Variants in MCF2L2 observed in about 807,000 individuals in gnomAD.
MCF2L2 encodes the protein MCF.2 cell line derived transforming sequence-like 2, also known as probable guanine nucleotide exchange factor MCF2L2.
MCF2L2 carries 102 observed loss-of-function variants against 150.2 expected under a neutral mutation model. The observed-to-expected ratio is 0.68, with a 90% CI of 0.58 to 0.80. The LOEUF is 0.80. Ranked by LOEUF, MCF2L2 falls within the 30% of genes least tolerant of loss-of-function variation. The pLI is 0.00. For synonymous variants in MCF2L2, 465 were observed against 491.3 expected (o/e 0.95, Z 0.71); for missense variants, 1,256 against 1,372.8 (o/e 0.91, Z 1.34).
At chr3:183,363,709 G>C (rs1712350806) in intron 3 of MCF2L2, among the ~76,000 whole-genome samples, 1 of 152,064 alleles carries the variant, frequency 6.6e-6, no homozygotes, top group African/African-American at 2.4e-5. Flanking sequence ...CCACTTTTGA[G>C]ACCCTGTCTC....
At chr3:183,218,822 G>C (rs1418006829) in intron 21 of MCF2L2, among the ~76,000 whole-genome samples, 2 of 151,922 alleles carry the variant, frequency 1.3e-5, no homozygotes, top group South Asian at 2.1e-4. Context: ...GTAGGGTTCA[G>C]AAAAATCCTT....
At chr3:183,355,275 T>C (rs1488983487) in intron 3 of MCF2L2, among the ~76,000 whole-genome samples, 1 of 152,052 alleles carries the variant, frequency 6.6e-6, no homozygotes, top group Non-Finnish European at 1.5e-5. Context: ...ATCTTGTTGC[T>C]TGTGGATATG....
chr3:183,333,037 A>C (rs1730331265), intron 5 of MCF2L2, among the ~76,000 whole-genome samples: 1 of 152,010 alleles, frequency 6.6e-6, no homozygotes, highest in African/African-American at 2.4e-5. Context: ...ATATTCTTTC[A>C]GGGTAATTTT....
At chr3:183,226,128 T>C (rs1049087001) in intron 18 of MCF2L2, 8 of 152,192 alleles carry the variant, frequency 5.3e-5, no homozygotes, top group African/African-American at 1.7e-4. Flanking sequence ...TGGAGGAGAA[T>C]TGTTTCAGAA....
intron 1 of MCF2L2, among the ~76,000 whole-genome samples, chr3:183,395,594 T>C (rs1020855944): frequency 4.6e-5 from 7 of 152,104 alleles, no homozygotes; most frequent in African/African-American, 1.7e-4. Flanking sequence ...TTGACAAATA[T>C]ACACTGATGT....
intron 18 of MCF2L2, chr3:183,224,395 T>C: frequency 1.9e-6 from 1 of 527,012 alleles, no homozygotes; most frequent in South Asian, 2.6e-5. Context: ...CTACCAGACA[T>C]AGATAGGCAC....
chr3:183,339,632 A>T (rs12638234), intron 4 of MCF2L2, among the ~76,000 whole-genome samples: 46,643 of 152,126 alleles, frequency 0.31, 9,405 homozygotes, highest in African/African-American at 0.57. Context: ...AGTATCGCCC[A>T]CATCGCAAGG....
Position 183,224,135 on chromosome 3 carries a change from GC to G in MCF2L2, c.2170del (p.Ala724GlnfsTer37). 1 of 1,614,000 alleles carries G rather than the reference GC, an allele frequency of 6.2e-7. No individual in the cohort carries two copies. Among genetic ancestry groups the G allele is most frequent in the South Asian group, 1.1e-5 (1 of 91,078 alleles). On this transcript the variant is annotated frameshift_variant, in exon 19 of 30. Coordinates refer to ENST00000328913, the MANE Select transcript of MCF2L2 (RefSeq NM_015078.4). LOFTEE classifies it high-confidence loss of function. ...GCAGTCTTGACACTCTTGCCAGATTGCCCTAGCTCGGGGCAGATTCTTATGG... is the reference window on the plus strand; with the variant it reads ...GCAGTCTTGACACTCTTGCCAGATTGCCTAGCTCGGGGCAGATTCTTATGG... ...KYHKNLPRAR[A>X]IWQECQDCAY...
At chr3:183,233,316 C>A (rs1723644800) in intron 15 of MCF2L2, among the ~76,000 whole-genome samples, 1 of 151,446 alleles carries the variant, frequency 6.6e-6, no homozygotes, top group Non-Finnish European at 1.5e-5. Flanking sequence ...CACACCATTG[C>A]ACTCCAGCCT....
At chr3:183,209,608 C>T (rs906912219) in intron 22 of MCF2L2, among the ~76,000 whole-genome samples, 1 of 152,136 alleles carries the variant, frequency 6.6e-6, no homozygotes. Flanking sequence ...CCTGCCTCAT[C>T]CTCCCGAGTA....
Position 183,428,250 on chromosome 3 carries a change from GC to G in MCF2L2, c.-274del, listed in dbSNP as rs1716276029. The G allele has an allele frequency of 2.4e-6, 1 of 418,554 alleles. No individual in the cohort carries two copies. The highest frequency in any genetic ancestry group is 4.3e-6 in the Non-Finnish European group (1 of 234,130). 25.9% of individuals were successfully genotyped at this position (418,554 alleles called of 1,614,324 possible). On this transcript the variant is annotated 5_prime_UTR_variant, in exon 1 of 30. Transcript: ENST00000328913. This position sits in a 1 kb window ranked among gnomAD's most constrained non-coding sequence, Gnocchi z 5.1. ...GCCGTTCTGCAAAAGGAAGCAAGTC[GC>G]CAATCTCGCCGGAACCGCGCCCCGG... is the stretch of plus-strand genomic sequence containing the variant.
chr3:183,255,209 G>A (rs1576970192), intron 15 of MCF2L2, among the ~76,000 whole-genome samples: 1 of 152,186 alleles, frequency 6.6e-6, no homozygotes, highest in East Asian at 1.9e-4. Flanking sequence ...ACCCAGAAAA[G>A]GATGATTGAA....
At chr3:183,265,643 C>T (rs1475817602) in intron 15 of MCF2L2, 1 of 152,238 alleles carries the variant, frequency 6.6e-6, no homozygotes, top group African/African-American at 2.4e-5. Flanking sequence ...CTGGGAAAGG[C>T]CTCCTAGTGA....
intron 2 of MCF2L2, among the ~76,000 whole-genome samples, chr3:183,380,599 A>G (rs375634349): frequency 1.2e-4 from 18 of 152,112 alleles, no homozygotes; most frequent in African/African-American, 4.1e-4. Context: ...ACGGGGTTTC[A>G]TCACGTTGGC....
chr3:183,348,018 A>C (rs1337233796), intron 3 of MCF2L2, among the ~76,000 whole-genome samples: 1 of 152,188 alleles, frequency 6.6e-6, no homozygotes, highest in Non-Finnish European at 1.5e-5. Context: ...CTAGATCCAG[A>C]AATACCATTT....
chr3:183,296,341 C>T (rs147959744), intron 12 of MCF2L2: 198 of 152,926 alleles, frequency 1.3e-3, no homozygotes, highest in Middle Eastern at 3.4e-3. Flanking sequence ...TTGCCTGCCT[C>T]TCTCTAACCT....
At chr3:183,417,965 A>G (rs1030625811) in intron 1 of MCF2L2, among the ~76,000 whole-genome samples, 4 of 152,220 alleles carry the variant, frequency 2.6e-5, no homozygotes, top group African/African-American at 9.6e-5. Flanking sequence ...AGATGGGCAG[A>G]TCACCTGAGG....
chr3:183,365,916 T>C (rs1305288658), intron 3 of MCF2L2, among the ~76,000 whole-genome samples: 1 of 151,040 alleles, frequency 6.6e-6, no homozygotes, highest in Admixed American at 6.6e-5. Flanking sequence ...AAAATAAAAA[T>C]CAAAAACTCA....
intron 3 of MCF2L2, among the ~76,000 whole-genome samples, chr3:183,368,386 C>T (rs1230561986): frequency 6.6e-6 from 1 of 152,174 alleles, no homozygotes; most frequent in African/African-American, 2.4e-5. Context: ...AATTGGAACA[C>T]AGCCAATTTA....
Sources: gnomAD v4.1 joint callset for allele counts (sites outside exome capture counted in the v4.1 genomes callset) on GRCh38, gnomAD v4.1.1 for gene constraint, Gnocchi (gnomAD v3.1) non-coding constraint, MANE v1.5 for transcripts, NCBI Gene and HGNC (gene_info 2026-07-23, HGNC 2026-07-21) for gene names.